TNKS: variants seen among roughly 807,000 people sequenced by gnomAD.
TNKS encodes poly [ADP-ribose] polymerase tankyrase-1.
A neutral mutation model predicts 135.8 loss-of-function variants in TNKS; 72 were observed. The observed-to-expected ratio is 0.53, with a 90% CI of 0.44 to 0.64. The LOEUF (loss-of-function observed/expected upper bound fraction) is 0.64. Among genes scored for constraint, TNKS ranks in the 30% least tolerant of loss-of-function variants. The pLI, the probability that TNKS is intolerant of heterozygous loss-of-function variation, is 0.00. For missense variants in TNKS, 1,769 were observed against 1,674.0 expected (o/e 1.06, Z -0.99); for synonymous variants, 849 against 649.3 (o/e 1.31, Z -4.68).
intron 3 of TNKS, among the ~76,000 whole-genome samples, chr8:9,650,227 G>A (rs1801093931): frequency 6.6e-6 from 1 of 151,960 alleles, no homozygotes; most frequent in South Asian, 2.1e-4. Context: ...GTCGATTGAT[G>A]GGCATTTGGG....
chr8:9,703,953 A>G (rs776516761), intron 5 of TNKS, among the ~76,000 whole-genome samples: 2 of 152,334 alleles, frequency 1.3e-5, no homozygotes, highest in Admixed American at 1.3e-4. Flanking sequence ...AGAACCTTCT[A>G]ATAACTTGAC....
At position 9,774,858 on chromosome 8, in the gene TNKS, A is replaced by T. The variant is rs142922476; in HGVS notation, c.3898-1792A>T. On this transcript the variant is annotated intron_variant, in intron 26 of 26. Coordinates refer to ENST00000310430, the MANE Select transcript of TNKS (RefSeq NM_003747.3). Reference sequence around the variant, plus strand: ...CTTCAACAGCTTTTCCGCAAGTAAAATGTCATAGAAAGTATTATAGATATT... The same window carrying T: ...CTTCAACAGCTTTTCCGCAAGTAAATTGTCATAGAAAGTATTATAGATATT... 2.6e-5 allele frequency among the ~76,000 whole-genome samples: 4 copies of T among 152,318 alleles called. No homozygotes were observed. The East Asian group carries it at 7.7e-4, about 29-fold the overall frequency.
At chr8:9,600,006 T>A (rs1798950658) in intron 2 of TNKS, among the ~76,000 whole-genome samples, 1 of 151,504 alleles carries the variant, frequency 6.6e-6, no homozygotes, top group Non-Finnish European at 1.5e-5. Context: ...TTTGAGTGGG[T>A]AATTAAATAT....
At chr8:9,633,015 C>T (rs1432635051) in intron 3 of TNKS, among the ~76,000 whole-genome samples, 3 of 152,220 alleles carry the variant, frequency 2.0e-5, no homozygotes, top group African/African-American at 7.2e-5. Flanking sequence ...AGGCATGAGC[C>T]ACCGCACCCG....
intron 2 of TNKS, among the ~76,000 whole-genome samples, chr8:9,608,180 A>G (rs532355565): frequency 1.3e-4 from 20 of 152,252 alleles, no homozygotes; most frequent in Middle Eastern, 3.4e-3. Flanking sequence ...GGCTTAAGCA[A>G]TTCTTCCACC....
chr8:9,558,817 G>A (rs1318489198), intron 1 of TNKS: 1 of 152,122 alleles, frequency 6.6e-6, no homozygotes, highest in Non-Finnish European at 1.5e-5. Context: ...TAAAATTCTC[G>A]ATATGAAAAC....
intron 26 of TNKS, among the ~76,000 whole-genome samples, chr8:9,770,846 GGA>G (rs1457490214): frequency 6.6e-6 from 1 of 152,162 alleles, no homozygotes; most frequent in Admixed American, 6.5e-5. Flanking sequence ...ATGTGTTGAT[GGA>G]GATACCGTGG....
intron 25 of TNKS, among the ~76,000 whole-genome samples, chr8:9,767,958 C>CA (rs1030767438): frequency 0.23 from 15,247 of 67,616 alleles, 1,158 homozygotes; most frequent in Middle Eastern, 0.3. Flanking sequence ...GACTCCGTCT[C>CA]AAAAAAAAAA....
chr8:9,678,554 A>G (rs1343922591), intron 3 of TNKS, among the ~76,000 whole-genome samples: 1 of 152,232 alleles, frequency 6.6e-6, no homozygotes, highest in East Asian at 1.9e-4. Flanking sequence ...TAGGTATTTA[A>G]CAACTTTTTA....
intron 3 of TNKS, among the ~76,000 whole-genome samples, chr8:9,654,430 A>G (rs1488003635): frequency 1.3e-5 from 2 of 152,248 alleles, no homozygotes; most frequent in African/African-American, 4.8e-5. Context: ...TGCAACTGAA[A>G]GGAGATATAA....
intron 1 of TNKS, among the ~76,000 whole-genome samples, chr8:9,573,182 A>G (rs1166250799): frequency 6.6e-6 from 1 of 152,162 alleles, no homozygotes; most frequent in African/African-American, 2.4e-5. Flanking sequence ...TATGTCACAT[A>G]TTAAAAGAAA....
intron 5 of TNKS, among the ~76,000 whole-genome samples, chr8:9,691,027 C>A (rs1359688192): frequency 1.3e-5 from 2 of 152,134 alleles, no homozygotes; most frequent in South Asian, 2.1e-4. Flanking sequence ...TTGTTTAGAT[C>A]AGACCATATT....
chr8:9,572,498 G>GT (rs1159650512), intron 1 of TNKS, among the ~76,000 whole-genome samples: 2 of 151,796 alleles, frequency 1.3e-5, no homozygotes, highest in Non-Finnish European at 2.9e-5. Context: ...TCTCTCTTAC[G>GT]TTTTCTCTTA....
rs1467115740 is a variant in TNKS, at chr8:9,748,008, TTTTC to T, written c.2644-12_2644-9del. ...ATCTCATTCTTAACTCTTTGTATCC[TTTTC>T]TTTTTTTTCAGCATGTTGACATAGC... On this transcript the variant is annotated splice_polypyrimidine_tract_variant and intron_variant, in intron 17 of 26. Transcript: ENST00000310430. 6.3e-7 allele frequency: 1 copy of T among 1,594,218 alleles called. No homozygotes were observed. The highest frequency in any genetic ancestry group is 1.4e-5 in the African/African-American group (1 of 74,050).
intron 3 of TNKS, among the ~76,000 whole-genome samples, chr8:9,672,483 A>G (rs1381552732): frequency 6.6e-6 from 1 of 152,042 alleles, no homozygotes; most frequent in South Asian, 2.1e-4. Flanking sequence ...GAGTTTTTAG[A>G]GCTTTTTGGG....
intron 5 of TNKS, among the ~76,000 whole-genome samples, chr8:9,691,008 A>G (rs887156198): frequency 6.6e-6 from 1 of 152,146 alleles, no homozygotes; most frequent in Non-Finnish European, 1.5e-5. Context: ...TAAGAGAGAG[A>G]GAGCTCGCTT....
intron 3 of TNKS, among the ~76,000 whole-genome samples, chr8:9,678,720 A>G (rs531663941): frequency 6.6e-6 from 1 of 152,200 alleles, no homozygotes; most frequent in Non-Finnish European, 1.5e-5. Flanking sequence ...ATTTGCATCA[A>G]TATTCTGCAT....
intron 5 of TNKS, 106 bp downstream of exon 5, chr8:9,680,906 T>C: frequency 1.3e-6 from 1 of 744,492 alleles, no homozygotes; most frequent in Admixed American, 2.3e-5. Context: ...TTATTTTAAC[T>C]GGCATCTTTT....
At chr8:9,638,175 A>C (rs1163035914) in intron 3 of TNKS, among the ~76,000 whole-genome samples, 1 of 152,118 alleles carries the variant, frequency 6.6e-6, no homozygotes, top group Non-Finnish European at 1.5e-5. Flanking sequence ...GGGTCTTGCT[A>C]TGTTGCTTAA....
Sources: allele counts gnomAD v4.1 joint callset (sites outside exome capture counted in the v4.1 genomes callset), GRCh38; gene constraint gnomAD v4.1.1; transcripts MANE v1.5; gene names NCBI Gene and HGNC (gene_info 2026-07-23, HGNC 2026-07-21).